CFHR3: variants seen among roughly 807,000 people sequenced by gnomAD.
CFHR3 encodes the protein complement factor H related 3.
Under a neutral mutation model 36.0 loss-of-function variants are expected in CFHR3, and 22 were observed. That is an observed-to-expected ratio of 0.61 (90% CI 0.44 to 0.87). The LOEUF (loss-of-function observed/expected upper bound fraction) is 0.87. Among genes scored for constraint, CFHR3 ranks in the 40% least tolerant of loss-of-function variants. CFHR3 has a pLI of 0.00. For missense variants in CFHR3, 276 were observed against 401.3 expected (o/e 0.69, Z 2.67); for synonymous variants, 97 against 137.4 (o/e 0.71, Z 2.06).
rs12738599 is a variant in CFHR3 at position 196,791,267 on chromosome 1, C to T, written c.796+1040C>T. Among the ~76,000 whole-genome samples the T allele has an allele frequency of 8.3e-3, 1,128 of 135,768 alleles. 302 individuals carry two copies. Among genetic ancestry groups the T allele is most frequent in the African/African-American group, 0.034 (1,084 of 32,130 alleles). 89.1% of individuals were successfully genotyped at this position (135,768 alleles called of 152,430 possible). On this transcript the variant is annotated intron_variant, in intron 5 of 5. Transcript: ENST00000367425. ...CAAGCCAGTAATATAGGTATACTTCCAGAATTTTGTCCCCCAAGTACTATG... is the reference window on the plus strand; with the variant it reads ...CAAGCCAGTAATATAGGTATACTTCTAGAATTTTGTCCCCCAAGTACTATG...
rs1488949864 is a variant in CFHR3 at position 196,795,230 on chromosome 1, G to C, written c.*1717G>C. 2 of 136,142 alleles carry C rather than the reference G, an allele frequency of 1.5e-5. No homozygotes were observed. Among genetic ancestry groups the C allele is most frequent in the Non-Finnish European group, 3.1e-5 (2 of 64,338 alleles). The allele number at this position is 136,142 out of a possible 1,614,324, so 8.4% of individuals were successfully genotyped here. ...GTTTCCCCATACCCCACTCATGGTAGTAAATACATCTCATGAGATCTAATG... is the reference window on the plus strand; with the variant it reads ...GTTTCCCCATACCCCACTCATGGTACTAAATACATCTCATGAGATCTAATG... On this transcript the variant is annotated 3_prime_UTR_variant, in exon 6 of 6. Coordinates refer to ENST00000367425, the MANE Select transcript of CFHR3 (RefSeq NM_021023.6).
intron 3 of CFHR3, among the ~76,000 whole-genome samples, chr1:196,784,157 G>A (rs1201735411): frequency 7.3e-6 from 1 of 136,210 alleles, no homozygotes; most frequent in Non-Finnish European, 1.6e-5. Context: ...ATTGCACTGT[G>A]GTCTGAGAGA....
In CFHR3 at chr1:196,779,073, T is replaced by C; in HGVS notation, c.59-89T>C. On this transcript the variant is annotated intron_variant, in intron 1 of 5. Transcript: ENST00000367425. ...TTGCTGTAATTCCACAAGAAAATGTTTGAGAGAAGGTGATATCAAAATTTA... is the reference window on the plus strand; with the variant it reads ...TTGCTGTAATTCCACAAGAAAATGTCTGAGAGAAGGTGATATCAAAATTTA... The C allele has an allele frequency of 1.9e-6, 2 of 1,031,522 alleles. 1 individual carries two copies. The highest frequency in any genetic ancestry group is 2.8e-6 in the Non-Finnish European group (2 of 714,218). 63.9% of individuals were successfully genotyped at this position (1,031,522 alleles called of 1,614,324 possible).
intron 3 of CFHR3, among the ~76,000 whole-genome samples, chr1:196,781,926 A>G (rs1653967999): frequency 7.3e-6 from 1 of 136,890 alleles, no homozygotes; most frequent in Non-Finnish European, 1.5e-5. Flanking sequence ...TAGGGTTTTT[A>G]TGGTGTTAGG....
chr1:196,777,987 A>C (rs1196433449), intron 1 of CFHR3, among the ~76,000 whole-genome samples: 1 of 124,398 alleles, frequency 8.0e-6, no homozygotes, highest in Non-Finnish European at 1.6e-5. Flanking sequence ...ACTGTTAAAA[A>C]AAAAAAAAAA....
At chr1:196,780,536 AG>A (rs144538415) in intron 3 of CFHR3, among the ~76,000 whole-genome samples, 2,624 of 137,132 alleles carry the variant, frequency 0.019, 695 homozygotes, top group African/African-American at 0.072. Flanking sequence ...ACATGTTCAC[AG>A]TTTAATTGGT....
chr1:196,791,730 T>C (rs1401028722), intron 5 of CFHR3, among the ~76,000 whole-genome samples: 2 of 132,832 alleles, frequency 1.5e-5, no homozygotes, highest in Admixed American at 1.5e-4. Context: ...AAGAAATTAG[T>C]ATCCTCAAAT....
Position 196,793,443 on chromosome 1 carries a change from C to G in CFHR3, c.923C>G (p.Ala308Gly). 6.6e-7 allele frequency: 1 copy of G among 1,526,714 alleles called. No homozygotes were observed. Among genetic ancestry groups the G allele is most frequent in the Non-Finnish European group, 8.9e-7 (1 of 1,129,258 alleles). The allele number at this position is 1,526,714 out of a possible 1,614,324, so 94.6% of individuals were successfully genotyped here. The change falls in exon 6 of 6, where the codon GCA becomes GGA. Residue 308 changes from alanine (A) to glycine (G), a missense_variant. This residue lies in a region of CFHR3 where 76 missense variants were observed against 79.8 expected (regional missense o/e 0.95). Coordinates refer to ENST00000367425, the MANE Select transcript of CFHR3 (RefSeq NM_021023.6). ...TTTATGTGTAAATTGGGATATAATG[C>G]AAATACATCAATTCTATCATTTCAA... ...IEFMCKLGYNANTSILSFQAV... is the reference protein window; with the variant it reads ...IEFMCKLGYNGNTSILSFQAV...
At chr1:196,782,401 C>A (rs1653992855) in intron 3 of CFHR3, among the ~76,000 whole-genome samples, 1 of 136,770 alleles carries the variant, frequency 7.3e-6, no homozygotes, top group East Asian at 1.9e-4. Context: ...GGCAGTATGG[C>A]CATTTTCATG....
chr1:196,789,816 C>G, intron 4 of CFHR3: 2 of 1,179,142 alleles, frequency 1.7e-6, no homozygotes, highest in East Asian at 5.4e-5. Flanking sequence ...AAATAGACAC[C>G]TACATATGTA....
chr1:196,793,152 T>C (rs1440856436), intron 5 of CFHR3, among the ~76,000 whole-genome samples, 165 bp from the exon 6 acceptor site: 1 of 134,988 alleles, frequency 7.4e-6, no homozygotes, highest in East Asian at 2.0e-4. Flanking sequence ...ACTGAACTTA[T>C]TATATTTTTG....
chr1:196,775,212 G>C lies in CFHR3; in HGVS notation c.58+268G>C, dbSNP rs1253892579. ...TTTAATATTGATTATGGAGATATGT[G>C]AATATACTCATGAAACTTTAAGTAG... is the stretch of plus-strand genomic sequence containing the variant. On this transcript the variant is annotated intron_variant, in intron 1 of 5. Transcript: ENST00000367425. Among the ~76,000 whole-genome samples the C allele has an allele frequency of 4.4e-5, 6 of 136,784 alleles. 1 individual carries two copies. The highest frequency in any genetic ancestry group is 3.9e-3 in the Middle Eastern group (1 of 254). The allele number at this position is 136,784 out of a possible 152,430, so 89.7% of individuals were successfully genotyped here.
chr1:196,778,713 A>T (rs1653828681), intron 1 of CFHR3, among the ~76,000 whole-genome samples: 1 of 136,554 alleles, frequency 7.3e-6, no homozygotes, highest in Non-Finnish European at 1.6e-5. Context: ...ATTTTTTTTA[A>T]TGTTTAGAGT....
chr1:196,780,144 T>C lies in CFHR3; in HGVS notation c.430+171T>C, dbSNP rs1404862186. ...TTGTGTGAATATACAAATTTCTTGATAAGTACATAGCAAAATAAATGCTCC... is the reference window on the plus strand; with the variant it reads ...TTGTGTGAATATACAAATTTCTTGACAAGTACATAGCAAAATAAATGCTCC... On this transcript the variant is annotated intron_variant, in intron 3 of 5. Coordinates refer to ENST00000367425, the MANE Select transcript of CFHR3 (RefSeq NM_021023.6). Among the ~76,000 whole-genome samples, 13 of 137,968 alleles carry C rather than the reference T, an allele frequency of 9.4e-5. 2 individuals are homozygous for C. The highest frequency in any genetic ancestry group is 2.0e-4 in the Non-Finnish European group (13 of 64,842). The allele number at this position is 137,968 out of a possible 152,430, so 90.5% of individuals were successfully genotyped here.
At chr1:196,775,153 T>C (rs539776305) in intron 1 of CFHR3, among the ~76,000 whole-genome samples, 1 of 137,592 alleles carries the variant, frequency 7.3e-6, no homozygotes, top group Admixed American at 7.0e-5. Flanking sequence ...AATAATGTTT[T>C]ATTTGTTTTC....
rs1403923287 is a variant in CFHR3 at position 196,788,279 on chromosome 1, A to T, written c.494A>T (p.Tyr165Phe). The T allele has an allele frequency of 7.2e-7, 1 of 1,382,680 alleles. No homozygotes were observed. The highest frequency in any genetic ancestry group is 2.1e-5 in the Admixed American group (1 of 47,018). The allele number at this position is 1,382,680 out of a possible 1,614,324, so 85.7% of individuals were successfully genotyped here. The part of the protein sequence containing the change: ...NGFISESSSI[Y>F]ILNKEIQYKC... ...TTCATTTCCGAATCTTCCTCTATTTATATTTTAAATAAAGAAATACAATAT... is the reference window on the plus strand; with the variant it reads ...TTCATTTCCGAATCTTCCTCTATTTTTATTTTAAATAAAGAAATACAATAT... The change falls in exon 4 of 6, where the codon TAT becomes TTT. Residue 165 changes from tyrosine to phenylalanine, a missense_variant. Physicochemically the swap from Tyr to Phe is conservative, Grantham distance 22. Coordinates refer to ENST00000367425, the MANE Select transcript of CFHR3 (RefSeq NM_021023.6).
rs1456501747 is a variant in CFHR3 at position 196,784,219 on chromosome 1, C to T, written c.431-3997C>T. Among the ~76,000 whole-genome samples the T allele has an allele frequency of 2.9e-5, 4 of 136,090 alleles. 1 individual carries two copies. The highest frequency in any genetic ancestry group is 4.7e-5 in the Non-Finnish European group (3 of 64,372). The allele number at this position is 136,090 out of a possible 152,430, so 89.3% of individuals were successfully genotyped here. On this transcript the variant is annotated intron_variant, in intron 3 of 5. Coordinates refer to ENST00000367425, the MANE Select transcript of CFHR3 (RefSeq NM_021023.6). ...ACATTTGCTGAGGAGAGCTTTACTT[C>T]CAACTATGTGGTCAATTTTGGAATT...
chr1:196,782,533 G>A (rs1249862720), intron 3 of CFHR3, among the ~76,000 whole-genome samples: 2 of 136,438 alleles, frequency 1.5e-5, no homozygotes, highest in Non-Finnish European at 3.1e-5. Flanking sequence ...CTTGTAAGTT[G>A]GATTCCTAGG....
rs180855280 is a variant in CFHR3, at chr1:196,788,143, T to C, written c.431-73T>C. Reference sequence around the variant, plus strand: ...TTCATTGTTTCGCCATATTGCCATGTTTTTACTTGTTCCCTCCTATAAAAG... The same window carrying C: ...TTCATTGTTTCGCCATATTGCCATGCTTTTACTTGTTCCCTCCTATAAAAG... On this transcript the variant is annotated intron_variant, in intron 3 of 5. Transcript: ENST00000367425. 6.6e-4 allele frequency: 745 copies of C among 1,133,938 alleles called. 43 individuals are homozygous for C. The East Asian group carries it at 0.018, about 27-fold the overall frequency. The allele number at this position is 1,133,938 out of a possible 1,614,324, so 70.2% of individuals were successfully genotyped here.
Sources: allele counts gnomAD v4.1 joint callset (sites outside exome capture counted in the v4.1 genomes callset), GRCh38; gene constraint gnomAD v4.1.1; regional missense constraint gnomAD v4.1.1; transcripts MANE v1.5; gene names NCBI Gene and HGNC (gene_info 2026-07-23, HGNC 2026-07-21).